DLGAP2: variants seen among roughly 807,000 people sequenced by gnomAD.
DLGAP2 encodes disks large-associated protein 2.
A neutral mutation model predicts 100.3 loss-of-function variants in DLGAP2; 26 were observed. That is an observed-to-expected ratio of 0.26 (90% CI 0.19 to 0.36). DLGAP2 has a LOEUF of 0.36. DLGAP2 is among the 10% of genes least tolerant of loss of function. The probability of loss-of-function intolerance (pLI) is 1.00; values close to 1 mark genes in which losing one functional copy is unlikely to be tolerated. For missense variants in DLGAP2, 1,858 were observed against 1,453.2 expected (o/e 1.28, Z -4.53); for synonymous variants, 886 against 630.1 (o/e 1.41, Z -6.08).
At chr8:874,408 T>A (rs1296735241) in intron 1 of DLGAP2, among the ~76,000 whole-genome samples, 1 of 152,116 alleles carries the variant, frequency 6.6e-6, no homozygotes, top group African/African-American at 2.4e-5. Flanking sequence ...AGTCTTCATT[T>A]TCAGTAACCT....
intron 3 of DLGAP2, among the ~76,000 whole-genome samples, chr8:1,333,503 CAG>C (rs554364222): frequency 1.3e-5 from 2 of 152,030 alleles, no homozygotes; most frequent in African/African-American, 2.4e-5. Flanking sequence ...CTTCCACAGA[CAG>C]GGGTTCACAC....
At chr8:1,370,598 A>G (rs1038486082) in intron 3 of DLGAP2, among the ~76,000 whole-genome samples, 4 of 152,236 alleles carry the variant, frequency 2.6e-5, no homozygotes, top group African/African-American at 9.6e-5. Flanking sequence ...GCTGTCTTTT[A>G]TCACCCTCTG....
chr8:742,156 A>G (rs567820768), intron 1 of DLGAP2, among the ~76,000 whole-genome samples: 1 of 152,332 alleles, frequency 6.6e-6, no homozygotes, highest in East Asian at 1.9e-4. Context: ...GTTTCTTCAG[A>G]CATTTCCACA....
intron 1 of DLGAP2, among the ~76,000 whole-genome samples, chr8:742,373 A>G (rs1820509254): frequency 6.6e-6 from 1 of 152,244 alleles, no homozygotes; most frequent in Admixed American, 6.5e-5. Context: ...TGTCTTTAAA[A>G]TGTTTCATAC....
intron 3 of DLGAP2, among the ~76,000 whole-genome samples, chr8:1,424,454 T>C (rs1172352400): frequency 6.6e-6 from 1 of 152,230 alleles, no homozygotes; most frequent in African/African-American, 2.4e-5. Flanking sequence ...AAATGTTCAA[T>C]TGTGTATAGC....
intron 4 of DLGAP2, among the ~76,000 whole-genome samples, chr8:1,511,212 A>G (rs1455737060): frequency 6.6e-6 from 1 of 151,566 alleles, no homozygotes; most frequent in East Asian, 1.9e-4. Flanking sequence ...AGTGCTGTCT[A>G]GTGTAAGACA....
intron 3 of DLGAP2, among the ~76,000 whole-genome samples, chr8:1,438,114 A>G (rs769618292): frequency 3.3e-5 from 5 of 152,226 alleles, no homozygotes; most frequent in Admixed American, 6.5e-5. Context: ...CCCAGAAGTC[A>G]GTACTCCTGT....
At chr8:1,695,342 ACAGAAAGAGGGGGCACAGCCATG>A (rs1799362316) in intron 13 of DLGAP2, among the ~76,000 whole-genome samples, 1 of 132,278 alleles carries the variant, frequency 7.6e-6, no homozygotes, top group Non-Finnish European at 1.5e-5. Flanking sequence ...GCCCGGCCCT[ACAGAAAGAGGGGGCACAGCCATG>A]CCCGGCCCTA....
intron 1 of DLGAP2, among the ~76,000 whole-genome samples, chr8:811,659 G>A (rs755493861): frequency 4.7e-5 from 7 of 149,214 alleles, no homozygotes; most frequent in Non-Finnish European, 8.9e-5. Flanking sequence ...TATCTGGGGG[G>A]CCCTGCCAGG....
intron 3 of DLGAP2, among the ~76,000 whole-genome samples, chr8:1,425,831 C>T (rs1012603228): frequency 2.0e-5 from 3 of 152,194 alleles, no homozygotes; most frequent in African/African-American, 7.2e-5. Context: ...GAAACAGAGA[C>T]AGCCAGAAGT....
At chr8:888,864 C>T (rs770468842) in intron 1 of DLGAP2, among the ~76,000 whole-genome samples, 2 of 152,014 alleles carry the variant, frequency 1.3e-5, no homozygotes, top group African/African-American at 4.8e-5. Flanking sequence ...TTGGGTTGCA[C>T]GAGGAGCAGG....
intron 6 of DLGAP2, among the ~76,000 whole-genome samples, chr8:1,598,390 G>C (rs546968414): frequency 6.6e-6 from 1 of 152,188 alleles, no homozygotes; most frequent in African/African-American, 2.4e-5. Flanking sequence ...AAATGAGTTA[G>C]AGAGGAGTCC....
At chr8:1,634,388 G>A (rs1797721064) in intron 8 of DLGAP2, among the ~76,000 whole-genome samples, 1 of 152,120 alleles carries the variant, frequency 6.6e-6, no homozygotes, top group Non-Finnish European at 1.5e-5. Context: ...GAGGGAGGGT[G>A]GTGCCCAGGA....
At chr8:1,052,671 G>A (rs761112765) in intron 2 of DLGAP2, among the ~76,000 whole-genome samples, 1 of 152,090 alleles carries the variant, frequency 6.6e-6, no homozygotes, top group Non-Finnish European at 1.5e-5. Context: ...CCTAGTAGGG[G>A]GGCAGTTTGT....
At chr8:1,098,642 G>A (rs1288141541) in intron 2 of DLGAP2, among the ~76,000 whole-genome samples, 1 of 107,318 alleles carries the variant, frequency 9.3e-6, no homozygotes, top group African/African-American at 3.3e-5. Flanking sequence ...GCTCCCGGCC[G>A]CCCACGGACG....
chr8:829,894 C>T (rs1485145497), intron 1 of DLGAP2, among the ~76,000 whole-genome samples: 1 of 152,200 alleles, frequency 6.6e-6, no homozygotes, highest in African/African-American at 2.4e-5. Context: ...ATTACATGCG[C>T]ACACCTCAGT....
chr8:1,649,278 TTTTGCTTCTTC>T (rs1798110760), intron 8 of DLGAP2, among the ~76,000 whole-genome samples: 1 of 35,130 alleles, frequency 2.8e-5, no homozygotes. Context: ...TCTAAATTCT[TTTTGCTTCTTC>T]AAAGCTACCA....
intron 3 of DLGAP2, among the ~76,000 whole-genome samples, chr8:1,328,313 G>T (rs1801069701): frequency 2.0e-5 from 3 of 151,086 alleles, no homozygotes. Context: ...GTGCTGTACA[G>T]TTAATATTAT....
intron 1 of DLGAP2, among the ~76,000 whole-genome samples, chr8:815,027 G>A (rs1049792735): frequency 8.5e-5 from 13 of 152,178 alleles, no homozygotes; most frequent in East Asian, 5.8e-4. Context: ...CACAGTTAAC[G>A]GAGCGGATAT....
Sources: allele counts gnomAD v4.1 joint callset (sites outside exome capture counted in the v4.1 genomes callset), GRCh38; gene constraint gnomAD v4.1.1; transcripts MANE v1.5; gene names NCBI Gene and HGNC (gene_info 2026-07-23, HGNC 2026-07-21).